RORA: variants seen among roughly 807,000 people sequenced by gnomAD.
The protein encoded by RORA is RAR related orphan receptor A, also known as nuclear receptor ROR-alpha.
Under a neutral mutation model 69.5 loss-of-function variants are expected in RORA, and 7 were observed. That is an observed-to-expected ratio of 0.10 (90% CI 0.06 to 0.19). The LOEUF (loss-of-function observed/expected upper bound fraction) is 0.19. RORA is among the 10% of genes least tolerant of loss of function. The pLI is 1.00. For missense variants in RORA, 457 were observed against 663.0 expected (o/e 0.69, Z 3.41); for synonymous variants, 261 against 240.8 (o/e 1.08, Z -0.78).
chr15:60,860,261 G>C (rs1292225636), intron 1 of RORA, among the ~76,000 whole-genome samples: 1 of 152,152 alleles, frequency 6.6e-6, no homozygotes, highest in Admixed American at 6.5e-5. Flanking sequence ...ACCAGTTATA[G>C]TTTACCATAC....
intron 1 of RORA, among the ~76,000 whole-genome samples, chr15:60,838,843 AACACAC>A (rs58762022): frequency 0.061 from 7,397 of 121,992 alleles, 244 homozygotes; most frequent in African/African-American, 0.07. Context: ...ACATTCATTC[AACACAC>A]ACACACACAC....
intron 1 of RORA, among the ~76,000 whole-genome samples, chr15:60,698,948 T>G (rs1408589015): frequency 2.0e-5 from 3 of 152,130 alleles, no homozygotes; most frequent in Non-Finnish European, 4.4e-5. Flanking sequence ...TTCATAATCT[T>G]TGCTCACTTT....
intron 1 of RORA, among the ~76,000 whole-genome samples, chr15:61,050,197 G>A (rs556179202): frequency 6.6e-6 from 1 of 152,270 alleles, no homozygotes; most frequent in South Asian, 2.1e-4. Flanking sequence ...CCTCATTTGT[G>A]TACATGCCGT....
intron 1 of RORA, among the ~76,000 whole-genome samples, chr15:60,845,127 G>T (rs1025380343): frequency 6.6e-6 from 1 of 152,130 alleles, no homozygotes; most frequent in Non-Finnish European, 1.5e-5. Context: ...AAAATGAAAA[G>T]GTTGAGAAGG....
At chr15:60,788,985 G>A (rs1392018878) in intron 1 of RORA, among the ~76,000 whole-genome samples, 1 of 152,154 alleles carries the variant, frequency 6.6e-6, no homozygotes, top group Non-Finnish European at 1.5e-5. Flanking sequence ...CCTACAAAGC[G>A]TTACCCACAG....
chr15:61,154,032 C>T (rs1385635797), intron 1 of RORA, among the ~76,000 whole-genome samples: 1 of 152,132 alleles, frequency 6.6e-6, no homozygotes, highest in Non-Finnish European at 1.5e-5. Flanking sequence ...AATCTCAAAC[C>T]CTTATATCCT....
At chr15:61,006,061 T>A (rs1450923839) in intron 1 of RORA, among the ~76,000 whole-genome samples, 1 of 152,080 alleles carries the variant, frequency 6.6e-6, no homozygotes, top group Admixed American at 6.6e-5. Context: ...CTCCACCTCC[T>A]GGGTTCAAGC....
intron 2 of RORA, among the ~76,000 whole-genome samples, chr15:60,603,681 A>C (rs2068872625): frequency 6.6e-6 from 1 of 152,236 alleles, no homozygotes; most frequent in South Asian, 2.1e-4. Context: ...TTGCACTGGC[A>C]GCCAACAGCA....
At chr15:60,957,804 T>C (rs1321283370) in intron 1 of RORA, among the ~76,000 whole-genome samples, 1 of 152,224 alleles carries the variant, frequency 6.6e-6, no homozygotes, top group East Asian at 1.9e-4. Flanking sequence ...TTAATTATCC[T>C]AGTGAACTGC....
At chr15:60,536,023 C>T (rs1271654790) in intron 2 of RORA, among the ~76,000 whole-genome samples, 1 of 152,096 alleles carries the variant, frequency 6.6e-6, no homozygotes, top group Non-Finnish European at 1.5e-5. Flanking sequence ...GGAGTTATCC[C>T]CGTAGTTTAT....
At chr15:60,600,315 G>A (rs2068783665) in intron 2 of RORA, among the ~76,000 whole-genome samples, 1 of 152,068 alleles carries the variant, frequency 6.6e-6, no homozygotes, top group Non-Finnish European at 1.5e-5. Context: ...GCTTTCACAG[G>A]GAAAATATGT....
At chr15:60,640,245 A>C (rs2069919047) in intron 2 of RORA, among the ~76,000 whole-genome samples, 1 of 152,140 alleles carries the variant, frequency 6.6e-6, no homozygotes, top group African/African-American at 2.4e-5. Context: ...CAAATCATTT[A>C]AGCCCCCTGG....
At chr15:60,698,546 C>G (rs1231525997) in intron 1 of RORA, among the ~76,000 whole-genome samples, 1 of 151,662 alleles carries the variant, frequency 6.6e-6, no homozygotes, top group African/African-American at 2.4e-5. Context: ...AATCATAGCC[C>G]TTTATGTCAT....
At chr15:61,064,762 G>C (rs2078234401) in intron 1 of RORA, among the ~76,000 whole-genome samples, 1 of 152,114 alleles carries the variant, frequency 6.6e-6, no homozygotes, top group Non-Finnish European at 1.5e-5. Flanking sequence ...AGCATGAAAA[G>C]CTACTGCCCA....
chr15:60,895,008 T>C (rs1482666924), intron 1 of RORA, among the ~76,000 whole-genome samples: 1 of 152,228 alleles, frequency 6.6e-6, no homozygotes, highest in East Asian at 1.9e-4. Flanking sequence ...AATGCCTGTC[T>C]GAGCAAAAGC....
chr15:60,659,239 G>C (rs2070267155), intron 2 of RORA, among the ~76,000 whole-genome samples: 1 of 152,216 alleles, frequency 6.6e-6, no homozygotes, highest in African/African-American at 2.4e-5. Context: ...TAAAGGACAA[G>C]ATTGGCGAAG....
chr15:60,945,970 C>G (rs1892857095), intron 1 of RORA, among the ~76,000 whole-genome samples: 1 of 152,186 alleles, frequency 6.6e-6, no homozygotes, highest in Non-Finnish European at 1.5e-5. Flanking sequence ...AGGAATGTAC[C>G]AGGTTCCCCA....
intron 1 of RORA, among the ~76,000 whole-genome samples, chr15:60,826,770 T>TCTCC (rs2072967177): frequency 1.0e-5 from 1 of 95,822 alleles, no homozygotes; most frequent in Non-Finnish European, 2.2e-5. Flanking sequence ...TCTCTCCCTC[T>TCTCC]CTCTCTCTCT....
At chr15:60,573,599 T>A (rs1363219765) in intron 2 of RORA, among the ~76,000 whole-genome samples, 2 of 152,198 alleles carry the variant, frequency 1.3e-5, no homozygotes, top group Non-Finnish European at 2.9e-5. Context: ...GAGCCTGTCA[T>A]AGTTCAGACC....
Sources: gnomAD v4.1 joint callset for allele counts (sites outside exome capture counted in the v4.1 genomes callset) on GRCh38, gnomAD v4.1.1 for gene constraint, MANE v1.5 for transcripts, NCBI Gene and HGNC (gene_info 2026-07-23, HGNC 2026-07-21) for gene names.